SHISAL2A: variants seen among roughly 807,000 people sequenced by gnomAD.
SHISAL2A encodes shisa like 2A, also known as protein shisa-like-2A.
Under a neutral mutation model 11.5 loss-of-function variants are expected in SHISAL2A, and 18 were observed. The observed-to-expected ratio is 1.57, with a 90% confidence interval of 1.08 to 2.33. The LOEUF is 2.33. Among genes scored for constraint, SHISAL2A ranks in the 30% most tolerant of loss-of-function variants. SHISAL2A has a pLI of 0.00. For synonymous variants in SHISAL2A, 94 were observed against 99.6 expected (o/e 0.94, Z 0.34); for missense variants, 261 against 250.9 (o/e 1.04, Z -0.27).
intron 2 of SHISAL2A, among the ~76,000 whole-genome samples, chr1:52,644,331 G>A (rs756399347): frequency 2.0e-5 from 3 of 152,208 alleles, no homozygotes; most frequent in East Asian, 1.9e-4. Context: ...TGTGTGGACC[G>A]GACTGAGTGA....
chr1:52,637,976 AG>A (rs1461969618), intron 1 of SHISAL2A, among the ~76,000 whole-genome samples: 1 of 152,284 alleles, frequency 6.6e-6, no homozygotes, highest in African/African-American at 2.4e-5. Flanking sequence ...GTCCTGCACA[AG>A]CTTCTCCCAT....
chr1:52,651,802 T>A (rs562609045), intron 2 of SHISAL2A, among the ~76,000 whole-genome samples: 47 of 152,262 alleles, frequency 3.1e-4, no homozygotes, highest in South Asian at 4.1e-4. Flanking sequence ...ATGGAAAAAA[T>A]TAGTACTTAA....
intron 1 of SHISAL2A, among the ~76,000 whole-genome samples, chr1:52,637,430 T>G (rs780249008): frequency 1.1e-4 from 17 of 152,350 alleles, no homozygotes; most frequent in Non-Finnish European, 2.5e-4. Context: ...AATCTCCAGG[T>G]AAGCACTGTT....
At chr1:52,648,758 GTCCTGCTCTTTCCA>G (rs1281621338) in intron 2 of SHISAL2A, among the ~76,000 whole-genome samples, 6 of 152,126 alleles carry the variant, frequency 3.9e-5, no homozygotes, top group African/African-American at 1.4e-4. Context: ...TGCCTCCAAA[GTCCTGCTCTTTCCA>G]TCCTCCTAGA....
downstream of SHISAL2A, among the ~76,000 whole-genome samples, chr1:52,661,992 C>T (rs930919596): frequency 6.6e-6 from 1 of 151,412 alleles, no homozygotes; most frequent in Non-Finnish European, 1.5e-5. Context: ...GAGATTGCGC[C>T]ACTGCACTCC....
intron 4 of SHISAL2A, among the ~76,000 whole-genome samples, chr1:52,662,111 C>T (rs1571704159): frequency 6.6e-6 from 1 of 151,970 alleles, no homozygotes; most frequent in African/African-American, 2.4e-5. Context: ...AGGTTTGACC[C>T]GTGAAACCCC....
chr1:52,649,486 G>T (rs988472377), intron 2 of SHISAL2A, among the ~76,000 whole-genome samples: 10 of 152,138 alleles, frequency 6.6e-5, no homozygotes, highest in African/African-American at 2.4e-4. Context: ...GAGTGTAAAT[G>T]GAAAAGCAGT....
intron 1 of SHISAL2A, among the ~76,000 whole-genome samples, chr1:52,642,638 C>A (rs1420179946): frequency 6.6e-6 from 1 of 152,064 alleles, no homozygotes; most frequent in Admixed American, 6.6e-5. Context: ...TTGACCAGGC[C>A]GGTCTTGAAT....
chr1:52,662,511 AT>A (rs547508025), intron 4 of SHISAL2A, among the ~76,000 whole-genome samples: 3,185 of 137,498 alleles, frequency 0.023, 39 homozygotes, highest in African/African-American at 0.05. Flanking sequence ...TGCCCGGCTA[AT>A]TTTTTTTTTT....
rs114060384 is a variant in SHISAL2A, at chr1:52,637,479, T to G, written c.182+3804T>G. The stretch of plus-strand genomic sequence containing the variant: ...AGTGCTCAAGGAGAATTGCTATCTT[T>G]AAAATTGTGCCTCAGGAAGTGAAGA... On this transcript the variant is annotated intron_variant, in intron 1 of 2. Coordinates refer to ENST00000517870, the MANE Select transcript of SHISAL2A (RefSeq NM_001042693.3). Among the ~76,000 whole-genome samples, 612 of 152,298 alleles carry G rather than the reference T, an allele frequency of 4.0e-3. 6 individuals are homozygous for G. The highest frequency in any genetic ancestry group is 0.014 in the African/African-American group (589 of 41,556).
At chr1:52,646,440 G>A (rs1691501605) in intron 2 of SHISAL2A, among the ~76,000 whole-genome samples, 1 of 150,752 alleles carries the variant, frequency 6.6e-6, no homozygotes, top group South Asian at 2.1e-4. Flanking sequence ...TGTATGTGAA[G>A]TTAAAAAACA....
intron 2 of SHISAL2A, among the ~76,000 whole-genome samples, chr1:52,645,434 G>T (rs1691478278): frequency 1.1e-5 from 1 of 90,602 alleles, no homozygotes; most frequent in African/African-American, 3.1e-5. Flanking sequence ...TTGAGACAAG[G>T]TCTCACTCCA....
chr1:52,633,522 G>A lies in SHISAL2A; in HGVS notation c.29G>A (p.Ser10Asn), dbSNP rs757385859. The part of the protein sequence containing the change: MSGACTSYV[S>N]AEQEVVRGFS... ...AGCGGCGCCTGCACGAGCTACGTGA[G>A]CGCAGAGCAGGAGGTGGTGCGCGGC... Residue 10 changes from serine to asparagine, a missense_variant, in exon 1 of 3, where the codon AGC (serine) becomes AAC (asparagine). Physicochemically the swap from Ser to Asn is conservative, Grantham distance 46. Coordinates refer to ENST00000517870, the MANE Select transcript of SHISAL2A (RefSeq NM_001042693.3). This position sits in a 1 kb window ranked among gnomAD's most constrained non-coding sequence, Gnocchi z 6.4. 1.3e-6 allele frequency: 2 copies of A among 1,585,276 alleles called. No individual in the cohort carries two copies. Among genetic ancestry groups the A allele is most frequent in the Admixed American group, 3.5e-5 (2 of 56,414 alleles).
At chr1:52,654,671 CA>C (rs1291966911) in intron 2 of SHISAL2A, among the ~76,000 whole-genome samples, 1 of 152,016 alleles carries the variant, frequency 6.6e-6, no homozygotes, top group South Asian at 2.1e-4. Flanking sequence ...AAATGTAAAC[CA>C]AAAAACTCTA....
chr1:52,647,150 A>G (rs1691519540), intron 2 of SHISAL2A, among the ~76,000 whole-genome samples: 1 of 152,082 alleles, frequency 6.6e-6, no homozygotes, highest in African/African-American at 2.4e-5. Context: ...TGTTTGTTTT[A>G]GAGACATGAG....
chr1:52,650,161 G>T (rs1337586131), intron 2 of SHISAL2A, among the ~76,000 whole-genome samples: 2 of 152,192 alleles, frequency 1.3e-5, no homozygotes, highest in Non-Finnish European at 2.9e-5. Flanking sequence ...CCATACTTGA[G>T]AGGTAACGCC....
chr1:52,649,505 T>C (rs912861813), intron 2 of SHISAL2A, among the ~76,000 whole-genome samples: 9 of 152,148 alleles, frequency 5.9e-5, no homozygotes, highest in Middle Eastern at 3.2e-3. Flanking sequence ...GTTTCTGAAA[T>C]AGGCTTCTTT....
intron 1 of SHISAL2A, among the ~76,000 whole-genome samples, chr1:52,641,807 G>C (rs1189724823): frequency 6.6e-6 from 1 of 151,878 alleles, no homozygotes; most frequent in East Asian, 1.9e-4. Context: ...AGAGGCGGGG[G>C]TGAGTGGGAG....
downstream of SHISAL2A, among the ~76,000 whole-genome samples, chr1:52,660,183 C>T (rs1289515218): frequency 2.6e-5 from 4 of 152,128 alleles, no homozygotes; most frequent in Admixed American, 2.6e-4. Context: ...GACTCCGAGC[C>T]AGAGAGATGT....
Sources: gnomAD v4.1 joint callset for allele counts (sites outside exome capture counted in the v4.1 genomes callset) on GRCh38, gnomAD v4.1.1 for gene constraint, Gnocchi (gnomAD v3.1) non-coding constraint, MANE v1.5 for transcripts, NCBI Gene and HGNC (gene_info 2026-07-23, HGNC 2026-07-21) for gene names.